Variants in BMPR1B observed in about 807,000 individuals in gnomAD.
BMPR1B encodes the protein bone morphogenetic protein receptor type-1B.
BMPR1B carries 12 observed loss-of-function variants against 59.1 expected under a neutral mutation model. The observed-to-expected ratio is 0.20, with a 90% CI of 0.13 to 0.33. The LOEUF (loss-of-function observed/expected upper bound fraction) is 0.33. Ranked by LOEUF, BMPR1B falls within the 10% of genes least tolerant of loss-of-function variation. The pLI, the probability that BMPR1B is intolerant of heterozygous loss-of-function variation, is 1.00. For missense variants in BMPR1B, 550 were observed against 610.9 expected, an observed-to-expected ratio of 0.90 and a Z score of 1.05; for synonymous variants, 237 against 207.3, an observed-to-expected ratio of 1.14 and a Z score of -1.23.
At chr4:94,804,086 G>T (rs1723513168) in intron 1 of BMPR1B, among the ~76,000 whole-genome samples, 1 of 152,086 alleles carries the variant, frequency 6.6e-6, no homozygotes, top group Non-Finnish European at 1.5e-5. Context: ...CTCTGTGTTA[G>T]CCAGGATGGT....
intron 3 of BMPR1B, among the ~76,000 whole-genome samples, chr4:95,081,140 C>T (rs949436208): frequency 4.6e-5 from 7 of 152,102 alleles, no homozygotes; most frequent in Non-Finnish European, 8.8e-5. Flanking sequence ...CTTCTCCTTG[C>T]TGCCACCATG....
chr4:94,765,544 A>T lies in BMPR1B; in HGVS notation c.-183+7476A>T, dbSNP rs1028733290. On this transcript the variant is annotated intron_variant, in intron 1 of 12. Transcript: ENST00000515059. The stretch of plus-strand genomic sequence containing the variant: ...CTCTAGAAATTAAGAGGCACTTGAG[A>T]ATATATCTGTTTGAATTGTGATGCC... 4.3e-4 allele frequency among the ~76,000 whole-genome samples: 65 copies of T among 152,200 alleles called. 1 individual carries two copies. The highest frequency in any genetic ancestry group is 1.5e-3 in the African/African-American group (63 of 41,462).
At chr4:94,933,687 A>G (rs1053124128) in intron 2 of BMPR1B, among the ~76,000 whole-genome samples, 3 of 152,248 alleles carry the variant, frequency 2.0e-5, no homozygotes, top group East Asian at 3.9e-4. Flanking sequence ...GATATTTGTT[A>G]TGACAGACTG....
In BMPR1B at chr4:95,030,782, A is replaced by G. The variant is rs1578958484; in HGVS notation, c.-18+34648A>G. ...ACTCCCATTCACGATTGCTTCAAAG[A>G]GAATAAAATACTTAAGAATCCAACT... On this transcript the variant is annotated intron_variant, in intron 3 of 12. Coordinates refer to ENST00000515059, the MANE Select transcript of BMPR1B (RefSeq NM_001203.3). Among the ~76,000 whole-genome samples the G allele has an allele frequency of 3.3e-5, 5 of 152,304 alleles. No individual in the cohort carries two copies. In the East Asian group the frequency reaches 9.6e-4, roughly 29 times the overall value.
intron 2 of BMPR1B, among the ~76,000 whole-genome samples, chr4:94,981,102 C>T (rs1263461413): frequency 6.6e-6 from 1 of 152,044 alleles, no homozygotes; most frequent in Non-Finnish European, 1.5e-5. Flanking sequence ...TGTCTACTAC[C>T]TTGAAATTCC....
intron 1 of BMPR1B, among the ~76,000 whole-genome samples, chr4:94,765,547 A>G (rs1721938013): frequency 6.6e-6 from 1 of 152,214 alleles, no homozygotes; most frequent in Admixed American, 6.5e-5. Context: ...ACTTGAGAAT[A>G]TATCTGTTTG....
chr4:95,070,783 C>CT, intron 3 of BMPR1B, among the ~76,000 whole-genome samples: 1 of 151,994 alleles, frequency 6.6e-6, no homozygotes, highest in Non-Finnish European at 1.5e-5. Context: ...AAAAAGAAAA[C>CT]TTTAAGAAAT....
intron 3 of BMPR1B, among the ~76,000 whole-genome samples, chr4:95,008,242 A>G (rs1199593854): frequency 6.6e-6 from 1 of 152,222 alleles, no homozygotes; most frequent in Non-Finnish European, 1.5e-5. Context: ...GTAGAGTTAT[A>G]TAAACTATGT....
chr4:95,148,289 G>A lies in BMPR1B; in HGVS notation c.1077-459G>A, dbSNP rs185730511. On this transcript the variant is annotated intron_variant, in intron 10 of 12. Transcript: ENST00000515059. ...TAAAGTTTTTAAAATAGGAGGGGAA[G>A]GAAGAGGGTTTTTTTAGATATTTAA... is the stretch of plus-strand genomic sequence containing the variant. Among the ~76,000 whole-genome samples, 15 of 152,300 alleles carry A rather than the reference G, an allele frequency of 9.8e-5. No individual in the cohort carries two copies. In the East Asian group the frequency reaches 2.7e-3, roughly 27 times the overall value.
chr4:94,880,851 G>A (rs1421285894), intron 2 of BMPR1B, among the ~76,000 whole-genome samples: 1 of 152,044 alleles, frequency 6.6e-6, no homozygotes, highest in East Asian at 1.9e-4. Flanking sequence ...AGCCAGACTG[G>A]TCTTGAACTT....
intron 1 of BMPR1B, among the ~76,000 whole-genome samples, chr4:94,839,460 T>C (rs1225408291): frequency 6.8e-6 from 1 of 147,804 alleles, no homozygotes; most frequent in African/African-American, 2.5e-5. Flanking sequence ...TGGGTGCATA[T>C]ATATTTAGGA....
At chr4:94,962,072 T>TTTCTTTTCTTTCCTTCCTTCC (rs1730381110) in intron 2 of BMPR1B, among the ~76,000 whole-genome samples, 1 of 117,960 alleles carries the variant, frequency 8.5e-6, no homozygotes, top group East Asian at 2.3e-4. Flanking sequence ...CTTTCTTTTC[T>TTTCTTTTCTTTCCTTCCTTCC]TTCCTTCCTT....
intron 2 of BMPR1B, among the ~76,000 whole-genome samples, chr4:94,925,780 AT>A (rs1383162766): frequency 6.6e-6 from 1 of 152,144 alleles, no homozygotes; most frequent in Non-Finnish European, 1.5e-5. Context: ...AACCAAGTAA[AT>A]TTTTAAAGCT....
chr4:95,053,775 G>A (rs757685432), intron 3 of BMPR1B, among the ~76,000 whole-genome samples: 4 of 151,980 alleles, frequency 2.6e-5, no homozygotes, highest in South Asian at 2.1e-4. Flanking sequence ...ATTACTCTCC[G>A]TAACTTTCTA....
chr4:94,763,090 G>C (rs1721841314), intron 1 of BMPR1B, among the ~76,000 whole-genome samples: 1 of 152,140 alleles, frequency 6.6e-6, no homozygotes, highest in Non-Finnish European at 1.5e-5. Context: ...CTTAGTGCTA[G>C]AGATGATTCC....
chr4:94,970,296 C>A (rs1337997351), intron 2 of BMPR1B, among the ~76,000 whole-genome samples: 1 of 83,798 alleles, frequency 1.2e-5, no homozygotes, highest in African/African-American at 4.0e-5. Context: ...CTTCTCTTCT[C>A]TTCTCTTCTT....
intron 3 of BMPR1B, among the ~76,000 whole-genome samples, chr4:95,015,465 T>G (rs1438998295): frequency 6.6e-6 from 1 of 152,132 alleles, no homozygotes; most frequent in African/African-American, 2.4e-5. Context: ...TAGCTCACTA[T>G]AGCTCCAACT....
At chr4:95,111,874 C>A (rs576857730) in intron 4 of BMPR1B, among the ~76,000 whole-genome samples, 1 of 152,056 alleles carries the variant, frequency 6.6e-6, no homozygotes, top group East Asian at 1.9e-4. Flanking sequence ...TTTTCATATT[C>A]TTTTTCTTCT....
At chr4:94,846,349 A>ACAAG (rs1301450114) in intron 1 of BMPR1B, among the ~76,000 whole-genome samples, 1 of 152,218 alleles carries the variant, frequency 6.6e-6, no homozygotes, top group East Asian at 1.9e-4. Flanking sequence ...ATTGAAGGAT[A>ACAAG]CAAGGTATTG....
Sources: allele counts gnomAD v4.1 joint callset (sites outside exome capture counted in the v4.1 genomes callset), GRCh38; gene constraint gnomAD v4.1.1; transcripts MANE v1.5; gene names NCBI Gene and HGNC (gene_info 2026-07-23, HGNC 2026-07-21).